The following SPAG16 variants were observed in gnomAD, a reference collection of about 807,000 sequenced individuals.
SPAG16 encodes the protein sperm associated antigen 16.
In SPAG16, 86 loss-of-function variants were observed where a neutral mutation model predicts 80.4. The ratio of observed to expected loss-of-function variants is 1.07; its 90% CI spans 0.90 to 1.28. The LOEUF is 1.28. Among genes scored for constraint, SPAG16 ranks in the 50% most tolerant of loss-of-function variants. The probability of loss-of-function intolerance (pLI) is 0.00; values close to 1 mark genes in which losing one functional copy is unlikely to be tolerated. For missense variants in SPAG16, 870 were observed against 765.3 expected (o/e 1.14, Z -1.61); for synonymous variants, 294 against 265.9 (o/e 1.11, Z -1.03).
intron 11 of SPAG16, among the ~76,000 whole-genome samples, chr2:213,869,175 C>G (rs974206559): frequency 6.7e-5 from 10 of 149,670 alleles, no homozygotes; most frequent in African/African-American, 2.0e-4. Context: ...ATCACTTGAA[C>G]CCGGGAGGCG....
At chr2:213,501,951 A>T (rs1025396513) in intron 10 of SPAG16, among the ~76,000 whole-genome samples, 10 of 152,238 alleles carry the variant, frequency 6.6e-5, no homozygotes, top group Non-Finnish European at 1.0e-4. Context: ...ATACTGAATT[A>T]GCCCAATCAA....
chr2:213,738,827 A>C (rs1264944577), intron 10 of SPAG16, among the ~76,000 whole-genome samples: 1 of 152,194 alleles, frequency 6.6e-6, no homozygotes, highest in Non-Finnish European at 1.5e-5. Context: ...GCTTTAAGAC[A>C]GGTTCTGTCC....
intron 10 of SPAG16, among the ~76,000 whole-genome samples, chr2:213,617,735 C>G (rs1477509358): frequency 1.3e-5 from 2 of 152,072 alleles, no homozygotes; most frequent in East Asian, 3.9e-4. Flanking sequence ...ATCCCATGGG[C>G]CTAGGAGTTT....
At chr2:213,484,999 C>CT (rs555509262) in intron 9 of SPAG16, among the ~76,000 whole-genome samples, 13,287 of 145,098 alleles carry the variant, frequency 0.092, 1,462 homozygotes, top group African/African-American at 0.26. Context: ...TTTTTCTTTT[C>CT]TTTTTTTTTT....
intron 11 of SPAG16, among the ~76,000 whole-genome samples, chr2:213,885,345 T>C (rs1279371188): frequency 6.6e-6 from 1 of 152,172 alleles, no homozygotes; most frequent in Admixed American, 6.6e-5. Context: ...TCCTAGTATT[T>C]GTAGCCATGA....
intron 10 of SPAG16, among the ~76,000 whole-genome samples, chr2:213,513,873 G>T (rs748522183): frequency 6.6e-6 from 1 of 152,150 alleles, no homozygotes; most frequent in Non-Finnish European, 1.5e-5. Flanking sequence ...AGCAGCAAAT[G>T]TTATATCCAG....
intron 15 of SPAG16, among the ~76,000 whole-genome samples, chr2:214,346,911 AATTCCC>A (rs2126041129): frequency 6.6e-6 from 1 of 152,326 alleles, no homozygotes; most frequent in East Asian, 1.9e-4. Context: ...GCCTTGCCTA[AATTCCC>A]TATTCATAAA....
intron 15 of SPAG16, among the ~76,000 whole-genome samples, chr2:214,365,426 G>A (rs1042293500): frequency 2.6e-5 from 4 of 152,124 alleles, no homozygotes; most frequent in African/African-American, 9.7e-5. Context: ...CTATCCTAAT[G>A]TGATCTAACA....
intron 10 of SPAG16, among the ~76,000 whole-genome samples, chr2:213,787,792 G>A (rs1199400908): frequency 6.6e-6 from 1 of 151,842 alleles, no homozygotes; most frequent in Non-Finnish European, 1.5e-5. Flanking sequence ...ACAATTTTTG[G>A]ATGGCAATAT....
Position 214,329,524 on chromosome 2 carries a change from ATTACT to A in SPAG16, c.1721-80612_1721-80608del, listed in dbSNP as rs145567968. 7.1e-3 allele frequency among the ~76,000 whole-genome samples: 1,080 copies of A among 152,328 alleles called. 10 individuals carry two copies. The highest frequency in any genetic ancestry group is 0.025 in the African/African-American group (1,041 of 41,572). On this transcript the variant is annotated intron_variant, in intron 15 of 15. Coordinates refer to ENST00000331683, the MANE Select transcript of SPAG16 (RefSeq NM_024532.5). ...AAATTGAAGCTAGATGATTGTATAC[ATTACT>A]TTATTGAATGTCTTAAATCTGCTCA...
At chr2:213,342,659 G>T (rs1175075220) in intron 6 of SPAG16, among the ~76,000 whole-genome samples, 8 of 151,830 alleles carry the variant, frequency 5.3e-5, no homozygotes. Flanking sequence ...TCTTTTGGAG[G>T]ACTTTTGGGG....
chr2:214,357,121 C>T lies in SPAG16; in HGVS notation c.1721-53019C>T, dbSNP rs557082924. 4.6e-5 allele frequency among the ~76,000 whole-genome samples: 7 copies of T among 151,996 alleles called. No homozygotes were observed. The South Asian group carries it at 1.5e-3, about 32-fold the overall frequency. On this transcript the variant is annotated intron_variant, in intron 15 of 15. Coordinates refer to ENST00000331683, the MANE Select transcript of SPAG16 (RefSeq NM_024532.5). ...ATCACTTTTAATCTAATAGTCACCC[C>T]TTGAATGGTCCCTGTCATTTCTTTG...
At chr2:213,498,729 A>T (rs1044141944) in intron 10 of SPAG16, among the ~76,000 whole-genome samples, 3 of 151,956 alleles carry the variant, frequency 2.0e-5, no homozygotes, top group Non-Finnish European at 4.4e-5. Context: ...ACTTTCTCCC[A>T]TTTTATTTAA....
chr2:213,772,287 G>A (rs1009271097), intron 10 of SPAG16, among the ~76,000 whole-genome samples: 1 of 152,180 alleles, frequency 6.6e-6, no homozygotes, highest in East Asian at 1.9e-4. Context: ...TTTGCACATT[G>A]ATTTTGTACC....
chr2:213,699,502 C>A (rs1190022881), intron 10 of SPAG16, among the ~76,000 whole-genome samples: 1 of 152,092 alleles, frequency 6.6e-6, no homozygotes, highest in African/African-American at 2.4e-5. Flanking sequence ...TAGTGACAGA[C>A]CACCTGGCAA....
chr2:214,049,998 C>T (rs191207289), intron 13 of SPAG16, among the ~76,000 whole-genome samples: 3,613 of 152,134 alleles, frequency 0.024, 51 homozygotes, highest in Middle Eastern at 0.051. Flanking sequence ...TATTTCATTC[C>T]TTTCAGTGAG....
intron 10 of SPAG16, among the ~76,000 whole-genome samples, chr2:213,650,601 C>T (rs960733611): frequency 8.5e-5 from 13 of 152,236 alleles, no homozygotes; most frequent in Non-Finnish European, 1.8e-4. Context: ...GTTCATATAA[C>T]TAAGGAAGAA....
At chr2:214,074,134 A>G (rs997348087) in intron 13 of SPAG16, among the ~76,000 whole-genome samples, 5 of 152,172 alleles carry the variant, frequency 3.3e-5, no homozygotes, top group African/African-American at 1.2e-4. Context: ...ATAAAATGAG[A>G]AAACAGCTAT....
chr2:213,673,166 T>A (rs974249861), intron 10 of SPAG16, among the ~76,000 whole-genome samples: 5 of 152,176 alleles, frequency 3.3e-5, no homozygotes, highest in Non-Finnish European at 2.9e-5. Context: ...ATTATCAGAC[T>A]GCCACAGCAT....
Sources: allele counts gnomAD v4.1 joint callset (sites outside exome capture counted in the v4.1 genomes callset), GRCh38; gene constraint gnomAD v4.1.1; transcripts MANE v1.5; gene names NCBI Gene and HGNC (gene_info 2026-07-23, HGNC 2026-07-21).